Variants in ITGBL1 observed in about 807,000 individuals in gnomAD.
ITGBL1 encodes integrin beta-like protein 1.
ITGBL1 carries 51 observed loss-of-function variants against 68.5 expected under a neutral mutation model. That is an observed-to-expected ratio of 0.74 (90% CI 0.59 to 0.94). The LOEUF (loss-of-function observed/expected upper bound fraction) is 0.94, where lower values mean the gene tolerates loss of function less well. ITGBL1 is among the 40% of genes least tolerant of loss of function. The probability of loss-of-function intolerance (pLI) is 0.00; values close to 1 mark genes in which losing one functional copy is unlikely to be tolerated. For synonymous variants in ITGBL1, 209 were observed against 227.3 expected (o/e 0.92, Z 0.72); for missense variants, 649 against 647.4 (o/e 1.00, Z -0.03).
intron 2 of ITGBL1, among the ~76,000 whole-genome samples, chr13:101,515,733 GAAGTTTCTTTA>G (rs2049184599): frequency 6.6e-6 from 1 of 152,006 alleles, no homozygotes; most frequent in Non-Finnish European, 1.5e-5. Flanking sequence ...AACAGACTTT[GAAGTTTCTTTA>G]GGAACTCTTT....
At chr13:101,546,036 T>C (rs181268078) in intron 2 of ITGBL1, among the ~76,000 whole-genome samples, 1 of 152,166 alleles carries the variant, frequency 6.6e-6, no homozygotes, top group Admixed American at 6.5e-5. Context: ...TAGATGAATC[T>C]TACAATATTA....
At chr13:101,521,386 C>T (rs1422805788) in intron 2 of ITGBL1, among the ~76,000 whole-genome samples, 1 of 152,018 alleles carries the variant, frequency 6.6e-6, no homozygotes, top group Non-Finnish European at 1.5e-5. Flanking sequence ...ATAAATACTA[C>T]AGAAAAATTA....
intron 6 of ITGBL1, among the ~76,000 whole-genome samples, chr13:101,586,233 A>G (rs1316493259): frequency 4.6e-5 from 7 of 152,024 alleles, no homozygotes; most frequent in Non-Finnish European, 8.8e-5. Flanking sequence ...CCTTTCTTTC[A>G]TACCCTATGA....
At chr13:101,578,164 G>T (rs1407364682) in intron 4 of ITGBL1, among the ~76,000 whole-genome samples, 1 of 152,040 alleles carries the variant, frequency 6.6e-6, no homozygotes, top group Non-Finnish European at 1.5e-5. Context: ...TGTACTTCTT[G>T]CTTCTTATGT....
At chr13:101,701,383 A>AT (rs1446238819) in intron 8 of ITGBL1, among the ~76,000 whole-genome samples, 1 of 152,082 alleles carries the variant, frequency 6.6e-6, no homozygotes, top group African/African-American at 2.4e-5. Context: ...AAATACAAAA[A>AT]TTAGCTGGGC....
intron 7 of ITGBL1, among the ~76,000 whole-genome samples, chr13:101,615,726 C>T (rs2031323824): frequency 6.6e-6 from 1 of 151,998 alleles, no homozygotes; most frequent in African/African-American, 2.4e-5. Flanking sequence ...GAGTTTGAAG[C>T]TGCAGTGAGC....
chr13:101,574,844 G>T (rs867626545), intron 3 of ITGBL1, among the ~76,000 whole-genome samples: 1 of 152,048 alleles, frequency 6.6e-6, no homozygotes, highest in Middle Eastern at 3.2e-3. Flanking sequence ...AGCAATCCAT[G>T]CCTAAGGAAA....
intron 7 of ITGBL1, among the ~76,000 whole-genome samples, chr13:101,669,589 T>C (rs1004716375): frequency 5.3e-5 from 8 of 152,204 alleles, no homozygotes; most frequent in African/African-American, 1.9e-4. Context: ...TCTAGTCCTC[T>C]GTGTTTAAAG....
At chr13:101,589,044 A>G (rs2050607386) in intron 6 of ITGBL1, among the ~76,000 whole-genome samples, 1 of 152,198 alleles carries the variant, frequency 6.6e-6, no homozygotes. Context: ...GTTTCACTTA[A>G]AGTGGTATCT....
chr13:101,472,833 T>C (rs1433980553), intron 2 of ITGBL1, among the ~76,000 whole-genome samples: 2 of 152,152 alleles, frequency 1.3e-5, no homozygotes, highest in Non-Finnish European at 2.9e-5. Flanking sequence ...TGTATAAATA[T>C]ATTTGACAAA....
rs556507614 is a variant in ITGBL1, at chr13:101,506,605, C to T, written c.316+52505C>T. ...GCCCTGCTTCCATACCTCTACCAAC[C>T]GTCACCTGCAGGCTGCACACATTTC... On this transcript the variant is annotated intron_variant, in intron 2 of 10. Coordinates refer to ENST00000376180, the MANE Select transcript of ITGBL1 (RefSeq NM_004791.3). Among the ~76,000 whole-genome samples, 7 of 152,292 alleles carry T rather than the reference C, an allele frequency of 4.6e-5. No individual in the cohort carries two copies. The South Asian group carries it at 8.3e-4, about 18-fold the overall frequency.
chr13:101,596,051 G>A (rs2029947002), intron 6 of ITGBL1, among the ~76,000 whole-genome samples: 1 of 11,712 alleles, frequency 8.5e-5, no homozygotes, highest in South Asian at 8.3e-3. Context: ...ATATGTGTGT[G>A]TGTGTATATA....
chr13:101,526,177 T>G (rs2139146925), intron 2 of ITGBL1, among the ~76,000 whole-genome samples: 1 of 147,734 alleles, frequency 6.8e-6, no homozygotes, highest in Middle Eastern at 3.5e-3. Context: ...TTTAAATACT[T>G]TAAGTTCTGG....
intron 7 of ITGBL1, among the ~76,000 whole-genome samples, chr13:101,616,448 A>ATC (rs1159389655): frequency 6.6e-6 from 1 of 152,116 alleles, no homozygotes; most frequent in Admixed American, 6.6e-5. Context: ...GAACTCTGAG[A>ATC]TCGGCTTTCT....
intron 7 of ITGBL1, among the ~76,000 whole-genome samples, chr13:101,602,224 T>G (rs186839796): frequency 6.6e-6 from 1 of 152,240 alleles, no homozygotes; most frequent in East Asian, 1.9e-4. Context: ...AGGACAGTGT[T>G]GGCTTTTGAA....
chr13:101,594,651 G>A (rs2050712624), intron 6 of ITGBL1, among the ~76,000 whole-genome samples: 2 of 152,098 alleles, frequency 1.3e-5, no homozygotes, highest in African/African-American at 4.8e-5. Flanking sequence ...GGCAACTTCT[G>A]GAATGAGAGA....
At chr13:101,665,456 T>A (rs1195076744) in intron 7 of ITGBL1, among the ~76,000 whole-genome samples, 1 of 152,094 alleles carries the variant, frequency 6.6e-6, no homozygotes. Context: ...TAACTATTTT[T>A]AAAATTATTA....
chr13:101,493,587 T>C (rs900015111), intron 2 of ITGBL1, among the ~76,000 whole-genome samples: 1 of 152,194 alleles, frequency 6.6e-6, no homozygotes, highest in Non-Finnish European at 1.5e-5. Context: ...CTGAGTGATA[T>C]GTGACTTGTG....
chr13:101,700,557 C>T (rs973568973), intron 8 of ITGBL1, among the ~76,000 whole-genome samples: 32 of 152,294 alleles, frequency 2.1e-4, no homozygotes, highest in African/African-American at 6.7e-4. Flanking sequence ...TAAACTATAT[C>T]GTCACATCAT....
Sources: gnomAD v4.1 joint callset for allele counts (sites outside exome capture counted in the v4.1 genomes callset) on GRCh38, gnomAD v4.1.1 for gene constraint, MANE v1.5 for transcripts, NCBI Gene and HGNC (gene_info 2026-07-23, HGNC 2026-07-21) for gene names.